The following VAV3 variants were observed in gnomAD, a reference collection of about 807,000 sequenced individuals.
The protein encoded by VAV3 is vav guanine nucleotide exchange factor 3.
In VAV3, 94 loss-of-function variants were observed where a neutral mutation model predicts 131.2. The observed-to-expected ratio is 0.72, with a 90% confidence interval of 0.61 to 0.85. VAV3 has a LOEUF of 0.85. Among genes scored for constraint, VAV3 ranks in the 40% least tolerant of loss-of-function variants. The pLI, the probability that VAV3 is intolerant of heterozygous loss-of-function variation, is 0.00. For missense variants in VAV3, 939 were observed against 1,002.7 expected (o/e 0.94, Z 0.86); for synonymous variants, 349 against 342.0 (o/e 1.02, Z -0.22).
At chr1:107,659,417 A>T (rs991202489) in intron 19 of VAV3, among the ~76,000 whole-genome samples, 1 of 152,160 alleles carries the variant, frequency 6.6e-6, no homozygotes, top group African/African-American at 2.4e-5. Context: ...GTTAAAAATA[A>T]CTACTTACAT....
At chr1:107,666,374 A>C (rs750617317) in intron 19 of VAV3, among the ~76,000 whole-genome samples, 30 of 152,146 alleles carry the variant, frequency 2.0e-4, no homozygotes, top group Non-Finnish European at 3.2e-4. Context: ...TGCCAGAGTG[A>C]CCTGAAGCAA....
chr1:107,609,060 A>G (rs1156406290), intron 22 of VAV3, among the ~76,000 whole-genome samples: 7 of 152,172 alleles, frequency 4.6e-5, no homozygotes, highest in Non-Finnish European at 1.0e-4. Flanking sequence ...ACCACTCACT[A>G]GTTGCATGCT....
intron 2 of VAV3, among the ~76,000 whole-genome samples, chr1:107,826,559 C>T (rs929900196): frequency 6.6e-6 from 1 of 152,116 alleles, no homozygotes; most frequent in African/African-American, 2.4e-5. Flanking sequence ...TGAGGTCATA[C>T]TTTCATTACT....
intron 20 of VAV3, among the ~76,000 whole-genome samples, chr1:107,636,352 C>A (rs944210614): frequency 6.6e-6 from 1 of 152,112 alleles, no homozygotes; most frequent in African/African-American, 2.4e-5. Context: ...TATTTCAAAG[C>A]TAATTAATGT....
chr1:107,680,093 A>C (rs764914094), intron 19 of VAV3, among the ~76,000 whole-genome samples: 6 of 152,208 alleles, frequency 3.9e-5, no homozygotes, highest in Non-Finnish European at 1.5e-5. Flanking sequence ...AATGATTTAA[A>C]TGTGCTAACA....
chr1:107,795,782 A>G (rs557078446), intron 2 of VAV3, among the ~76,000 whole-genome samples: 1 of 152,358 alleles, frequency 6.6e-6, no homozygotes, highest in East Asian at 1.9e-4. Context: ...TATAAAGAAT[A>G]TATGAATCCT....
At chr1:107,612,467 T>C (rs1288251861) in intron 21 of VAV3, among the ~76,000 whole-genome samples, 1 of 152,096 alleles carries the variant, frequency 6.6e-6, no homozygotes, top group Non-Finnish European at 1.5e-5. Flanking sequence ...CTTTTGAGGT[T>C]TTCTGTTCAT....
intron 25 of VAV3, among the ~76,000 whole-genome samples, chr1:107,594,432 C>G (rs1489033807): frequency 6.6e-6 from 1 of 152,016 alleles, no homozygotes; most frequent in Non-Finnish European, 1.5e-5. Flanking sequence ...TGTTTGCTTT[C>G]CCTTCACAAT....
At chr1:107,963,746 T>A (rs1039442169) in intron 1 of VAV3, 1 of 151,944 alleles carries the variant, frequency 6.6e-6, no homozygotes, top group Non-Finnish European at 1.5e-5. Context: ...GCAGTTTGGT[T>A]TTTTGTTTTG....
intron 15 of VAV3, among the ~76,000 whole-genome samples, chr1:107,739,585 A>G (rs1047406567): frequency 2.6e-5 from 4 of 152,222 alleles, no homozygotes; most frequent in Non-Finnish European, 5.9e-5. Context: ...AATTCTTCAC[A>G]TTAAAAACTG....
intron 1 of VAV3, among the ~76,000 whole-genome samples, chr1:107,939,567 T>C (rs1673885584): frequency 6.6e-6 from 1 of 152,168 alleles, no homozygotes; most frequent in African/African-American, 2.4e-5. Context: ...TGTTTTTTGG[T>C]TTTCCATCCC....
At chr1:107,883,493 C>A (rs1670881165) in intron 1 of VAV3, among the ~76,000 whole-genome samples, 2 of 152,130 alleles carry the variant, frequency 1.3e-5, no homozygotes, top group Non-Finnish European at 2.9e-5. Context: ...AGTCAGGGAA[C>A]TCAGTAAAAT....
chr1:107,617,671 T>C (rs1343218680), intron 20 of VAV3, 39 bp from the exon 21 acceptor site: 1 of 1,586,988 alleles, frequency 6.3e-7, no homozygotes, highest in African/African-American at 1.3e-5. Context: ...GAGAACAAAT[T>C]TACCACAAAT....
chr1:107,823,192 T>C (rs748527802), intron 2 of VAV3, among the ~76,000 whole-genome samples: 24 of 152,316 alleles, frequency 1.6e-4, no homozygotes, highest in Middle Eastern at 3.4e-3. Context: ...AAAACTTGCT[T>C]ACAACAGTGA....
At chr1:107,730,393 T>C (rs1484261690) in intron 15 of VAV3, among the ~76,000 whole-genome samples, 1 of 152,188 alleles carries the variant, frequency 6.6e-6, no homozygotes, top group Non-Finnish European at 1.5e-5. Flanking sequence ...CCTTCTCAGT[T>C]CCTTTACTTC....
chr1:107,783,762 T>C lies in VAV3; in HGVS notation c.322-4270A>G, dbSNP rs369060654. ...GAAAATTTATTGGCTTTTAAAAATATTTCAGGCCAGGCCTGGTGGCTCACG... is the reference window on the plus strand; with the variant it reads ...GAAAATTTATTGGCTTTTAAAAATACTTCAGGCCAGGCCTGGTGGCTCACG... On this transcript the variant is annotated intron_variant, in intron 2 of 26. Transcript: ENST00000370056. Among the ~76,000 whole-genome samples, 12 of 152,106 alleles carry C rather than the reference T, an allele frequency of 7.9e-5. No individual in the cohort carries two copies. The East Asian group carries it at 1.6e-3, about 20-fold the overall frequency.
At chr1:107,746,942 C>A (rs1663385879) in intron 15 of VAV3, among the ~76,000 whole-genome samples, 1 of 151,190 alleles carries the variant, frequency 6.6e-6, no homozygotes, top group Non-Finnish European at 1.5e-5. Flanking sequence ...TGCAGTGGCA[C>A]AATCTCAGCT....
At chr1:107,807,284 G>C (rs958899990) in intron 2 of VAV3, among the ~76,000 whole-genome samples, 1 of 152,152 alleles carries the variant, frequency 6.6e-6, no homozygotes, top group Non-Finnish European at 1.5e-5. Context: ...AGAGCTGGAA[G>C]CCACAGCAAC....
In VAV3 at chr1:107,904,520, A is replaced by G. The variant is rs549195806; in HGVS notation, c.205-29503T>C. On this transcript the variant is annotated intron_variant, in intron 1 of 26. Transcript: ENST00000370056. ...TGCTCCATGTTTCTGCACTGTGGTC[A>G]CTGTCTTTTTCCACAGTCTTCAGAT... Among the ~76,000 whole-genome samples the G allele has an allele frequency of 6.6e-5, 10 of 152,270 alleles. No individual in the cohort carries two copies. The East Asian group carries it at 1.9e-3, about 29-fold the overall frequency.
Sources: allele counts gnomAD v4.1 joint callset (sites outside exome capture counted in the v4.1 genomes callset), GRCh38; gene constraint gnomAD v4.1.1; transcripts MANE v1.5; gene names NCBI Gene and HGNC (gene_info 2026-07-23, HGNC 2026-07-21).